The following KLF13 variants were observed in gnomAD, a reference collection of about 807,000 sequenced individuals.
KLF13 encodes the protein Krueppel-like factor 13.
Under a neutral mutation model 16.7 loss-of-function variants are expected in KLF13, and 8 were observed. The ratio of observed to expected loss-of-function variants is 0.48; its 90% CI spans 0.28 to 0.87. The LOEUF is 0.87. Ranked by LOEUF, KLF13 falls within the 40% of genes least tolerant of loss-of-function variation. The probability of loss-of-function intolerance (pLI) is 0.10; values close to 1 mark genes in which losing one functional copy is unlikely to be tolerated. For synonymous variants in KLF13, 245 were observed against 208.4 expected (o/e 1.18, Z -1.51); for missense variants, 447 against 452.2 (o/e 0.99, Z 0.10).
chr15:31,405,206 C>G (rs996919151), downstream of KLF13, among the ~76,000 whole-genome samples: 2 of 152,116 alleles, frequency 1.3e-5, no homozygotes, highest in Non-Finnish European at 2.9e-5. Context: ...TCCAGCTACT[C>G]TGGAGGCTGA....
At chr15:31,386,305 C>T (rs1289883321) in intron 1 of KLF13, among the ~76,000 whole-genome samples, 1 of 152,190 alleles carries the variant, frequency 6.6e-6, no homozygotes, top group Non-Finnish European at 1.5e-5. Context: ...TGAGACCAGC[C>T]TAGCTAACAC....
chr15:31,361,447 T>A (rs1486391514), intron 1 of KLF13, among the ~76,000 whole-genome samples: 1 of 152,146 alleles, frequency 6.6e-6, no homozygotes, highest in Non-Finnish European at 1.5e-5. Flanking sequence ...AGGCCAAAAG[T>A]AAAAGCTGCA....
rs1013233356 is a variant in KLF13, at chr15:31,360,388, C to T, written c.578-11622C>T. ...GGGCTCTGTTTCAGGCCCTCTCCAACGCACTTAGGCTGCGACAAGCCTGAG... is the reference window on the plus strand; with the variant it reads ...GGGCTCTGTTTCAGGCCCTCTCCAATGCACTTAGGCTGCGACAAGCCTGAG... On this transcript the variant is annotated intron_variant, in intron 1 of 1. Coordinates refer to ENST00000307145, the MANE Select transcript of KLF13 (RefSeq NM_015995.4). Among the ~76,000 whole-genome samples, 8 of 152,204 alleles carry T rather than the reference C, an allele frequency of 5.3e-5. No individual in the cohort carries two copies. The East Asian group carries it at 7.7e-4, about 15-fold the overall frequency.
intron 1 of KLF13, among the ~76,000 whole-genome samples, chr15:31,332,833 T>C (rs535377874): frequency 6.6e-6 from 1 of 152,324 alleles, no homozygotes; most frequent in Non-Finnish European, 1.5e-5. Context: ...TGTAAGTGTG[T>C]GTGTTTAAAT....
At chr15:31,415,551 G>A (rs1293803434) in intron 1 of KLF13, among the ~76,000 whole-genome samples, 1 of 151,830 alleles carries the variant, frequency 6.6e-6, no homozygotes, top group Non-Finnish European at 1.5e-5. Flanking sequence ...ATAGGACAAA[G>A]AAAAAATAAA....
chr15:31,360,207 A>G (rs963337782), intron 1 of KLF13, among the ~76,000 whole-genome samples: 7 of 152,212 alleles, frequency 4.6e-5, no homozygotes, highest in African/African-American at 1.4e-4. Context: ...AGGTTAGGAC[A>G]GGGAAGGGCT....
chr15:31,427,334 A>AC (rs151064544), intron 1 of KLF13, among the ~76,000 whole-genome samples: 19,908 of 152,110 alleles, frequency 0.13, 3,839 homozygotes, highest in African/African-American at 0.42. Context: ...AAAAAAACAA[A>AC]AAACAAAAAA....
Position 31,371,946 on chromosome 15 carries a change from C to CA in KLF13, c.578-64_578-63insA, listed in dbSNP as rs557838151. 550 of 1,511,332 alleles carry CA rather than the reference C, an allele frequency of 3.6e-4. 5 individuals carry two copies. The South Asian group carries it at 6.6e-3, about 18-fold the overall frequency. The allele number at this position is 1,511,332 out of a possible 1,614,324, so 93.6% of individuals were successfully genotyped here. A position where few individuals can be genotyped will look rare whatever the true frequency, so the allele number is the denominator to read the frequency against. ...AGGGTGTTGGGTGTTGCGGGCCCTTCCCCAGAGAGGGTGTGAAGGCGGGGC... is the reference window on the plus strand; with the variant it reads ...AGGGTGTTGGGTGTTGCGGGCCCTTCACCCAGAGAGGGTGTGAAGGCGGGGC... On this transcript the variant is annotated intron_variant, in intron 1 of 1. Transcript: ENST00000307145.
chr15:31,352,030 CG>C (rs2039224961), intron 1 of KLF13, among the ~76,000 whole-genome samples: 1 of 151,200 alleles, frequency 6.6e-6, no homozygotes, highest in Admixed American at 6.6e-5. Flanking sequence ...AAAAGGGAGG[CG>C]GGGGGAGTTT....
chr15:31,385,512 T>G (rs1246724039), intron 1 of KLF13, among the ~76,000 whole-genome samples: 2 of 152,266 alleles, frequency 1.3e-5, no homozygotes, highest in Non-Finnish European at 2.9e-5. Flanking sequence ...ATGCTCACTT[T>G]GTGTCTTGGT....
chr15:31,368,844 A>G (rs927026340), intron 1 of KLF13, among the ~76,000 whole-genome samples: 6 of 152,032 alleles, frequency 3.9e-5, no homozygotes, highest in Non-Finnish European at 7.4e-5. Context: ...AGATAGATAG[A>G]TAGGTAGATA....
chr15:31,342,978 T>G (rs1337827850), intron 1 of KLF13, among the ~76,000 whole-genome samples: 1 of 152,256 alleles, frequency 6.6e-6, no homozygotes, highest in Non-Finnish European at 1.5e-5. Context: ...TGGACACTTG[T>G]GCCTGTTCCC....
intron 1 of KLF13, among the ~76,000 whole-genome samples, chr15:31,423,159 A>ATATACGTATATATACGTATATG (rs1566848484): frequency 2.5e-5 from 3 of 118,732 alleles, no homozygotes; most frequent in African/African-American, 9.6e-5. Context: ...ATATACGTAT[A>ATATACGTATATATACGTATATG]TATATGTATA....
intron 1 of KLF13, among the ~76,000 whole-genome samples, chr15:31,419,605 GAAATGATC>G: frequency 6.6e-6 from 1 of 152,160 alleles, no homozygotes; most frequent in Admixed American, 6.6e-5. Context: ...CAGATAATTT[GAAATGATC>G]AAGTCACAGG....
At chr15:31,405,442 C>T (rs971432176), downstream of KLF13, among the ~76,000 whole-genome samples, 1 of 152,250 alleles carries the variant, frequency 6.6e-6, no homozygotes, top group African/African-American at 2.4e-5. Context: ...ACCAAATATG[C>T]TGGCGCCTTA....
At chr15:31,367,476 G>GC (rs1480264640) in intron 1 of KLF13, among the ~76,000 whole-genome samples, 9 of 152,196 alleles carry the variant, frequency 5.9e-5, no homozygotes, top group African/African-American at 2.2e-4. Context: ...ACTCCAGGCT[G>GC]CCTGGCACCA....
At chr15:31,418,633 G>GA (rs765890691) in intron 1 of KLF13, among the ~76,000 whole-genome samples, 194 of 152,132 alleles carry the variant, frequency 1.3e-3, no homozygotes, top group Non-Finnish European at 2.5e-3. Context: ...ATAGTTAACT[G>GA]AAAAAATGCT....
At chr15:31,366,128 C>T (rs1595475857) in intron 1 of KLF13, 1 of 150,976 alleles carries the variant, frequency 6.6e-6, no homozygotes, top group Admixed American at 6.6e-5. Context: ...CCCGCAACTG[C>T]ATGCGGTCCC....
chr15:31,360,668 C>T (rs779479996), intron 1 of KLF13, among the ~76,000 whole-genome samples: 3 of 152,136 alleles, frequency 2.0e-5, no homozygotes, highest in Non-Finnish European at 4.4e-5. Flanking sequence ...CGGCACTGTT[C>T]ACCTGTTTCA....
Sources: gnomAD v4.1 joint callset for allele counts (sites outside exome capture counted in the v4.1 genomes callset) on GRCh38, gnomAD v4.1.1 for gene constraint, MANE v1.5 for transcripts, NCBI Gene and HGNC (gene_info 2026-07-23, HGNC 2026-07-21) for gene names.